ADGRL3: variants seen among roughly 807,000 people sequenced by gnomAD.
ADGRL3 encodes the protein adhesion G protein-coupled receptor L3, also known as calcium-independent alpha-latrotoxin receptor 3.
ADGRL3 carries 62 observed loss-of-function variants against 153.5 expected under a neutral mutation model. That is an observed-to-expected ratio of 0.40 (90% CI 0.33 to 0.50). ADGRL3 has a LOEUF of 0.50. Ranked by LOEUF, ADGRL3 falls within the 20% of genes least tolerant of loss-of-function variation. The probability of loss-of-function intolerance (pLI) is 0.47; values close to 1 mark genes in which losing one functional copy is unlikely to be tolerated. For missense variants in ADGRL3, 1,641 were observed against 1,859.4 expected (o/e 0.88, Z 2.16); for synonymous variants, 710 against 672.5 (o/e 1.06, Z -0.86).
At chr4:61,646,399 T>C (rs2093986828) in intron 5 of ADGRL3, among the ~76,000 whole-genome samples, 1 of 151,926 alleles carries the variant, frequency 6.6e-6, no homozygotes, top group Non-Finnish European at 1.5e-5. Context: ...CTCTGTTTTT[T>C]CCCCATCTTT....
chr4:61,688,931 C>T (rs572500527), intron 6 of ADGRL3, among the ~76,000 whole-genome samples: 1 of 152,232 alleles, frequency 6.6e-6, no homozygotes, highest in Admixed American at 6.6e-5. Flanking sequence ...AGCTAAAATA[C>T]ATCAGACAAA....
At chr4:61,464,794 T>G (rs2097860423) in intron 2 of ADGRL3, among the ~76,000 whole-genome samples, 1 of 152,190 alleles carries the variant, frequency 6.6e-6, no homozygotes, top group Non-Finnish European at 1.5e-5. Context: ...CCCCAGAAAA[T>G]TAGTTAAGGA....
At chr4:61,992,870 T>C (rs17226384) in intron 19 of ADGRL3, among the ~76,000 whole-genome samples, 20,437 of 152,196 alleles carry the variant, frequency 0.13, 1,741 homozygotes, top group East Asian at 0.25. Flanking sequence ...AATTTTACTT[T>C]AACAAAACAT....
At chr4:61,916,716 G>T (rs36081032) in intron 13 of ADGRL3, among the ~76,000 whole-genome samples, 92,630 of 151,960 alleles carry the variant, frequency 0.61, 28,946 homozygotes, top group Non-Finnish European at 0.7. Flanking sequence ...ACTTTGGAAG[G>T]CCAAGGTGGG....
intron 21 of ADGRL3, among the ~76,000 whole-genome samples, chr4:62,016,052 T>C (rs1164379935): frequency 6.6e-6 from 1 of 152,030 alleles, no homozygotes; most frequent in Admixed American, 6.6e-5. Context: ...CTTTTCTTTT[T>C]CTTTTTCTCT....
intron 10 of ADGRL3, among the ~76,000 whole-genome samples, chr4:61,895,446 A>G (rs1298798626): frequency 6.9e-6 from 1 of 145,506 alleles, no homozygotes; most frequent in Non-Finnish European, 1.5e-5. Flanking sequence ...AGTCTGGGCA[A>G]CAGAACAAGA....
chr4:61,371,432 A>G (rs1438313062), intron 1 of ADGRL3, among the ~76,000 whole-genome samples: 1 of 151,896 alleles, frequency 6.6e-6, no homozygotes. Context: ...CCTGGTGGTG[A>G]CAAAATCTCT....
intron 9 of ADGRL3, among the ~76,000 whole-genome samples, chr4:61,833,857 C>G (rs1268619397): frequency 6.6e-6 from 1 of 151,964 alleles, no homozygotes; most frequent in Non-Finnish European, 1.5e-5. Context: ...TCAGCCTATG[C>G]CCAGGAGTGA....
At chr4:61,895,466 AAATAAT>A (rs10603633) in intron 10 of ADGRL3, among the ~76,000 whole-genome samples, 112,558 of 148,122 alleles carry the variant, frequency 0.76, 42,975 homozygotes, top group East Asian at 0.99. Flanking sequence ...ACTCCATCTC[AAATAAT>A]AATAATAATA....
chr4:61,466,015 A>C (rs763989333), intron 2 of ADGRL3, among the ~76,000 whole-genome samples: 26 of 151,736 alleles, frequency 1.7e-4, no homozygotes, highest in Admixed American at 1.6e-3. Flanking sequence ...CCAGCTACTC[A>C]GGAGGCTGAG....
chr4:61,332,700 A>T, intron 1 of ADGRL3, among the ~76,000 whole-genome samples: 1 of 152,156 alleles, frequency 6.6e-6, no homozygotes. Context: ...TGTCAAATAC[A>T]AGGATGTTTG....
chr4:61,508,122 T>C (rs2098441914), intron 3 of ADGRL3, among the ~76,000 whole-genome samples: 1 of 152,134 alleles, frequency 6.6e-6, no homozygotes, highest in Admixed American at 6.5e-5. Flanking sequence ...AAAAATCCTT[T>C]TTGTCAGGAG....
In ADGRL3 at chr4:61,455,034, C is replaced by CA. The variant is rs895095699; in HGVS notation, c.-173-42080dup. On this transcript the variant is annotated intron_variant, in intron 2 of 26. Transcript: ENST00000683033. ...TGTAAGTTAGAGCAAAGCAAAAAAA[C>CA]AAAAAAACAACCCAAATGATTTTAT... Among the ~76,000 whole-genome samples, 59 of 152,052 alleles carry CA rather than the reference C, an allele frequency of 3.9e-4. 1 individual carries two copies. The highest frequency in any genetic ancestry group is 1.4e-3 in the African/African-American group (57 of 41,536).
chr4:61,857,882 G>C (rs1447185367), intron 9 of ADGRL3, among the ~76,000 whole-genome samples: 1 of 151,934 alleles, frequency 6.6e-6, no homozygotes, highest in Non-Finnish European at 1.5e-5. Context: ...CCACCTAATA[G>C]CACAATTGTT....
intron 8 of ADGRL3, among the ~76,000 whole-genome samples, chr4:61,749,457 A>C (rs1348995162): frequency 1.3e-5 from 2 of 152,188 alleles, no homozygotes; most frequent in Admixed American, 1.3e-4. Context: ...CTTGGAACCA[A>C]CCAAATATCC....
At chr4:61,888,797 T>G (rs1227968719) in intron 9 of ADGRL3, among the ~76,000 whole-genome samples, 1 of 152,208 alleles carries the variant, frequency 6.6e-6, no homozygotes, top group Non-Finnish European at 1.5e-5. Flanking sequence ...ATTGAAGTTT[T>G]TTAAAAATAC....
intron 4 of ADGRL3, among the ~76,000 whole-genome samples, chr4:61,583,961 A>G (rs577556269): frequency 2.0e-5 from 3 of 152,056 alleles, no homozygotes; most frequent in Admixed American, 2.0e-4. Flanking sequence ...AGACTATTTG[A>G]CTCATTACTC....
chr4:61,598,130 G>C (rs2098996737), intron 5 of ADGRL3, among the ~76,000 whole-genome samples: 1 of 151,838 alleles, frequency 6.6e-6, no homozygotes, highest in African/African-American at 2.4e-5. Context: ...ATGGTTTATA[G>C]TAAGTTAGCA....
chr4:61,624,439 A>G (rs1387254917), intron 5 of ADGRL3, among the ~76,000 whole-genome samples: 1 of 152,172 alleles, frequency 6.6e-6, no homozygotes, highest in Non-Finnish European at 1.5e-5. Flanking sequence ...TCATAGTAAG[A>G]AAGAAAACCT....
Sources: allele counts gnomAD v4.1 joint callset (sites outside exome capture counted in the v4.1 genomes callset), GRCh38; gene constraint gnomAD v4.1.1; transcripts MANE v1.5; gene names NCBI Gene and HGNC (gene_info 2026-07-23, HGNC 2026-07-21).